SEMA3D: variants seen among roughly 807,000 people sequenced by gnomAD.
The protein encoded by SEMA3D is semaphorin-3D.
A neutral mutation model predicts 100.1 loss-of-function variants in SEMA3D; 84 were observed. That is an observed-to-expected ratio of 0.84 (90% CI 0.70 to 1.01). The LOEUF (loss-of-function observed/expected upper bound fraction) is 1.01. Ranked by LOEUF, SEMA3D falls within the 50% of genes least tolerant of loss-of-function variation. SEMA3D has a pLI of 0.00. For synonymous variants in SEMA3D, 312 were observed against 320.7 expected (o/e 0.97, Z 0.29); for missense variants, 875 against 934.1 (o/e 0.94, Z 0.82).
At chr7:85,169,795 A>C (rs1791035570) in intron 1 of SEMA3D, among the ~76,000 whole-genome samples, 1 of 151,782 alleles carries the variant, frequency 6.6e-6, no homozygotes, top group Non-Finnish European at 1.5e-5. Context: ...CAGATACAAA[A>C]CAACTATTGA....
chr7:85,189,241 G>C (rs1584002207), upstream of SEMA3D, among the ~76,000 whole-genome samples: 3 of 152,010 alleles, frequency 2.0e-5, no homozygotes, highest in South Asian at 6.2e-4. Context: ...GAATGTGTTA[G>C]GTGCTTAACA....
At chr7:85,154,379 G>C (rs981031274) in intron 1 of SEMA3D, among the ~76,000 whole-genome samples, 16 of 151,962 alleles carry the variant, frequency 1.1e-4, no homozygotes, top group African/African-American at 3.9e-4. Flanking sequence ...GAACAAACAT[G>C]GATGTTCCCA....
intron 3 of SEMA3D, among the ~76,000 whole-genome samples, chr7:85,116,172 A>G (rs924337030): frequency 6.7e-6 from 1 of 150,346 alleles, no homozygotes; most frequent in Admixed American, 6.7e-5. Context: ...TGTTTCAGAG[A>G]GAGAGATATA....
chr7:85,037,121 A>G, intron 11 of SEMA3D, 88 bp from the exon 12 acceptor site: 1 of 1,305,084 alleles, frequency 7.7e-7, no homozygotes, highest in Non-Finnish European at 1.1e-6. Flanking sequence ...GGTGCTGTGG[A>G]CAAAATTTAC....
the SEMA3D span, among the ~76,000 whole-genome samples, chr7:85,235,223 T>C: frequency 2.0e-5 from 3 of 152,234 alleles, no homozygotes; most frequent in Admixed American, 1.3e-4. Context: ...TATATACTTA[T>C]ATACACATTA....
intron 3 of SEMA3D, among the ~76,000 whole-genome samples, chr7:85,114,355 A>T (rs1487113619): frequency 1.3e-5 from 2 of 152,184 alleles, no homozygotes; most frequent in African/African-American, 4.8e-5. Context: ...TGAATGGGAA[A>T]TATACGCTTC....
intron 17 of SEMA3D, among the ~76,000 whole-genome samples, chr7:85,009,504 TCTAACTCCCA>T (rs1470409540): frequency 6.6e-6 from 1 of 151,668 alleles, no homozygotes; most frequent in African/African-American, 2.4e-5. Context: ...CAATCTCTAC[TCTAACTCCCA>T]CAATTGATTA....
intron 9 of SEMA3D, among the ~76,000 whole-genome samples, chr7:85,047,195 T>C (rs1024875900): frequency 6.6e-6 from 1 of 151,894 alleles, no homozygotes; most frequent in African/African-American, 2.4e-5. Flanking sequence ...AACCACAATT[T>C]GCAATCCTTC....
intron 16 of SEMA3D, among the ~76,000 whole-genome samples, chr7:85,013,162 T>C (rs1006613274): frequency 7.2e-5 from 11 of 151,864 alleles, no homozygotes; most frequent in African/African-American, 2.6e-4. Flanking sequence ...TTTTATATAA[T>C]TAAAATGAGG....
chr7:85,086,536 T>C (rs1414781379), intron 4 of SEMA3D, among the ~76,000 whole-genome samples: 7 of 152,034 alleles, frequency 4.6e-5, no homozygotes, highest in Non-Finnish European at 1.0e-4. Flanking sequence ...ATATAATCTT[T>C]ATATAATGCG....
the SEMA3D span, among the ~76,000 whole-genome samples, chr7:85,225,431 G>C: frequency 3.3e-5 from 5 of 151,506 alleles, no homozygotes; most frequent in Admixed American, 2.0e-4. Context: ...CCTGGTGAGG[G>C]ATGTTAGAAG....
chr7:85,080,896 C>T (rs186536902), intron 5 of SEMA3D, among the ~76,000 whole-genome samples: 11 of 152,266 alleles, frequency 7.2e-5, no homozygotes, highest in African/African-American at 2.6e-4. Flanking sequence ...GCAGCTTAAA[C>T]TAAAAGTTTC....
In SEMA3D at chr7:85,121,865, A is replaced by C. The variant is rs1302693110; in HGVS notation, c.27T>G (p.Leu9=). Reference sequence around the variant, plus strand: ...GGTGAAAATCTTGGCTTCTGGCTTTAAGTCTTTCATCTTTATTAGCATTCA... The same window carrying C: ...GGTGAAAATCTTGGCTTCTGGCTTTCAGTCTTTCATCTTTATTAGCATTCA... MNANKDER[L]KARSQDFHLF... The change falls in exon 3 of 19, where the codon CTT becomes CTG. Residue 9 remains leucine, a synonymous_variant. Coordinates refer to ENST00000284136, the MANE Select transcript of SEMA3D (RefSeq NM_001384900.1). The C allele has an allele frequency of 6.3e-7, 1 of 1,593,794 alleles. No homozygotes were observed. Among genetic ancestry groups the C allele is most frequent in the East Asian group, 2.2e-5 (1 of 44,596 alleles).
intron 2 of SEMA3D, chr7:85,141,534 A>C: frequency 9.1e-6 from 9 of 984,746 alleles, no homozygotes; most frequent in Non-Finnish European, 1.1e-5. Context: ...AATGACCACA[A>C]AGTCTTTCTA....
chr7:85,188,329 C>T (rs1791617813), upstream of SEMA3D, among the ~76,000 whole-genome samples: 1 of 152,164 alleles, frequency 6.6e-6, no homozygotes, highest in African/African-American at 2.4e-5. Flanking sequence ...TTGGTTTGGA[C>T]TCACAACCAA....
chr7:85,021,276 G>A (rs2115845625), intron 13 of SEMA3D, among the ~76,000 whole-genome samples: 1 of 151,882 alleles, frequency 6.6e-6, no homozygotes, highest in African/African-American at 2.4e-5. Flanking sequence ...GTAAAGGTTA[G>A]ATATTACCAC....
At chr7:85,152,114 T>A (rs1368323665) in intron 2 of SEMA3D, among the ~76,000 whole-genome samples, 1 of 152,084 alleles carries the variant, frequency 6.6e-6, no homozygotes, top group Non-Finnish European at 1.5e-5. Flanking sequence ...TTTTATTTTA[T>A]ACCTATCTTT....
rs539643014 is a variant in SEMA3D, at chr7:85,088,275, A to G, written c.313-6696T>C. Among the ~76,000 whole-genome samples the G allele has an allele frequency of 5.5e-4, 84 of 152,282 alleles. 1 individual carries two copies. The highest frequency in any genetic ancestry group is 1.1e-3 in the Non-Finnish European group (74 of 68,018). ...TGATAAGACTTTATAACAACATCCA[A>G]AGGAAATTCTAATTATATCTGCTCT... On this transcript the variant is annotated intron_variant, in intron 4 of 18. Transcript: ENST00000284136.
intron 12 of SEMA3D, among the ~76,000 whole-genome samples, chr7:85,023,900 T>C (rs568690467): frequency 6.6e-6 from 1 of 152,066 alleles, no homozygotes; most frequent in Non-Finnish European, 1.5e-5. Flanking sequence ...TTAACAAAAA[T>C]TTTCAATGTC....
Sources: allele counts gnomAD v4.1 joint callset (sites outside exome capture counted in the v4.1 genomes callset), GRCh38; gene constraint gnomAD v4.1.1; transcripts MANE v1.5; gene names NCBI Gene and HGNC (gene_info 2026-07-23, HGNC 2026-07-21).